The following GRID2 variants were observed in gnomAD, a reference collection of about 807,000 sequenced individuals.
The protein encoded by GRID2 is glutamate ionotropic receptor delta type subunit 2, also known as glutamate receptor ionotropic, delta-2.
Under a neutral mutation model 114.8 loss-of-function variants are expected in GRID2, and 33 were observed. The ratio of observed to expected loss-of-function variants is 0.29; its 90% confidence interval spans 0.22 to 0.38. GRID2 has a LOEUF of 0.38. GRID2 is among the 10% of genes least tolerant of loss of function. The pLI, the probability that GRID2 is intolerant of heterozygous loss-of-function variation, is 1.00. For synonymous variants in GRID2, 505 were observed against 449.9 expected, an observed-to-expected ratio of 1.12 and a Z score of -1.55; for missense variants, 1,184 against 1,257.7, an observed-to-expected ratio of 0.94 and a Z score of 0.89.
chr4:93,678,387 G>C (rs1441885232), intron 14 of GRID2, among the ~76,000 whole-genome samples: 1 of 152,152 alleles, frequency 6.6e-6, no homozygotes, highest in East Asian at 1.9e-4. Context: ...CCCCAATCTA[G>C]CAAGGCAGGC....
intron 3 of GRID2, among the ~76,000 whole-genome samples, chr4:93,088,967 C>CA (rs1030078409): frequency 1.3e-5 from 2 of 152,082 alleles, no homozygotes; most frequent in Non-Finnish European, 2.9e-5. Context: ...TAATAGAGAA[C>CA]ATTTACTATA....
At chr4:93,489,004 C>T (rs999326407) in intron 11 of GRID2, among the ~76,000 whole-genome samples, 23 of 151,850 alleles carry the variant, frequency 1.5e-4, no homozygotes, top group African/African-American at 5.3e-4. Context: ...ATAATTTAGT[C>T]CATAACACAG....
At chr4:92,394,444 C>CT (rs764399882) in intron 1 of GRID2, among the ~76,000 whole-genome samples, 2 of 151,880 alleles carry the variant, frequency 1.3e-5, no homozygotes, top group Non-Finnish European at 2.9e-5. Context: ...TTCTAGAAAA[C>CT]TTTTTTTCAC....
At chr4:92,863,986 A>G (rs1390275079) in intron 2 of GRID2, among the ~76,000 whole-genome samples, 3 of 152,180 alleles carry the variant, frequency 2.0e-5, no homozygotes, top group African/African-American at 7.2e-5. Context: ...ACTAGTAAAT[A>G]CTGTTTTATT....
chr4:92,357,972 T>C (rs1337641986), intron 1 of GRID2, among the ~76,000 whole-genome samples: 1 of 151,946 alleles, frequency 6.6e-6, no homozygotes, highest in Non-Finnish European at 1.5e-5. Flanking sequence ...GAAAATCTGA[T>C]GTGATTAGAA....
At chr4:92,720,390 A>G (rs1214335677) in intron 2 of GRID2, among the ~76,000 whole-genome samples, 1 of 152,088 alleles carries the variant, frequency 6.6e-6, no homozygotes, top group Non-Finnish European at 1.5e-5. Flanking sequence ...TAGACTATTT[A>G]AAACATTAAG....
rs1244105052 is a variant in GRID2 at position 93,216,801 on chromosome 4, C to T, written c.853C>T (p.Arg285Trp). 4 of 1,612,042 alleles carry T rather than the reference C, an allele frequency of 2.5e-6. No individual in the cohort carries two copies. Among genetic ancestry groups the T allele is most frequent in the Non-Finnish European group, 3.4e-6 (4 of 1,178,222 alleles). Residue 285 changes from arginine (R) to tryptophan (W), a missense_variant, in exon 6 of 16, where the codon CGG (arginine) becomes TGG (tryptophan). By Grantham distance (101) the Arg-to-Trp change is moderately radical (BLOSUM62 -3). This residue lies in a region of GRID2 where 455 missense variants were observed against 429.5 expected (regional missense o/e 1.06). Coordinates refer to ENST00000282020, the MANE Select transcript of GRID2 (RefSeq NM_001510.4). ...GTCAATTGGAAGGTTAACGATTATTCGGCAGACATTTCCAGTTCCCCAGAA... is the reference window on the plus strand; with the variant it reads ...GTCAATTGGAAGGTTAACGATTATTTGGCAGACATTTCCAGTTCCCCAGAA... ...RRSIGRLTII[R>W]QTFPVPQNIS...
intron 2 of GRID2, among the ~76,000 whole-genome samples, chr4:92,904,769 G>T (rs549385015): frequency 6.6e-6 from 1 of 152,024 alleles, no homozygotes; most frequent in Non-Finnish European, 1.5e-5. Flanking sequence ...TGGAACCAAA[G>T]AAAGAATACA....
chr4:92,739,222 G>A (rs1187547516), intron 2 of GRID2, among the ~76,000 whole-genome samples: 3 of 152,144 alleles, frequency 2.0e-5, no homozygotes, highest in African/African-American at 2.4e-5. Context: ...ATTACAGAGT[G>A]TAATGGGAAT....
chr4:92,617,658 G>A (rs923540449), intron 2 of GRID2, among the ~76,000 whole-genome samples: 15 of 151,152 alleles, frequency 9.9e-5, no homozygotes, highest in African/African-American at 3.2e-4. Flanking sequence ...TCTACATCCC[G>A]GCCAGCATTT....
intron 2 of GRID2, among the ~76,000 whole-genome samples, chr4:92,619,799 T>G (rs1366131178): frequency 1.3e-5 from 2 of 151,786 alleles, no homozygotes; most frequent in Non-Finnish European, 2.9e-5. Context: ...TTTAGAATCC[T>G]TAAATAGTTT....
At position 92,308,955 on chromosome 4, in the gene GRID2, A is replaced by G. The variant is rs577382736; in HGVS notation, c.88+4211A>G. Among the ~76,000 whole-genome samples, 4 of 152,160 alleles carry G rather than the reference A, an allele frequency of 2.6e-5. No individual in the cohort carries two copies. The South Asian group carries it at 8.3e-4, about 32-fold the overall frequency. On this transcript the variant is annotated intron_variant, in intron 1 of 15. Transcript: ENST00000282020. ...CTATTCTTCTCTGTATCATTAATAC[A>G]GTTATTTGAAGCACAATTCAAGTGT...
chr4:92,537,720 C>A (rs963653770), intron 1 of GRID2, among the ~76,000 whole-genome samples: 1 of 151,444 alleles, frequency 6.6e-6, no homozygotes, highest in African/African-American at 2.4e-5. Context: ...CAGTCTATTG[C>A]CCTTTTCAAA....
At chr4:93,002,235 A>T (rs1488035214) in intron 2 of GRID2, among the ~76,000 whole-genome samples, 1 of 151,766 alleles carries the variant, frequency 6.6e-6, no homozygotes, top group African/African-American at 2.4e-5. Flanking sequence ...ATGACACCTC[A>T]TAATTTAACA....
At chr4:93,161,129 A>G (rs1737652691) in intron 4 of GRID2, among the ~76,000 whole-genome samples, 1 of 151,874 alleles carries the variant, frequency 6.6e-6, no homozygotes, top group Non-Finnish European at 1.5e-5. Context: ...TCCTTATTTT[A>G]CTGGAAAAAG....
At chr4:92,918,029 A>C (rs1748960225) in intron 2 of GRID2, among the ~76,000 whole-genome samples, 1 of 152,052 alleles carries the variant, frequency 6.6e-6, no homozygotes, top group Non-Finnish European at 1.5e-5. Context: ...TATTTCATTG[A>C]GCACTGGTTT....
At chr4:93,107,408 A>C (rs894656218) in intron 3 of GRID2, among the ~76,000 whole-genome samples, 1 of 152,214 alleles carries the variant, frequency 6.6e-6, no homozygotes, top group African/African-American at 2.4e-5. Flanking sequence ...AGTGTTAGGA[A>C]ACAGAGGGGT....
rs552187883 is a variant in GRID2 at position 93,595,975 on chromosome 4, C to T, written c.2194-30294C>T. On this transcript the variant is annotated intron_variant, in intron 13 of 15. Coordinates refer to ENST00000282020, the MANE Select transcript of GRID2 (RefSeq NM_001510.4). Reference sequence around the variant, plus strand: ...ACTCCACAAGGAAAGTATTTTGACACGAATTTTATGGCTGAGAAAACTGAG... The same window carrying T: ...ACTCCACAAGGAAAGTATTTTGACATGAATTTTATGGCTGAGAAAACTGAG... Among the ~76,000 whole-genome samples, 12 of 152,184 alleles carry T rather than the reference C, an allele frequency of 7.9e-5. No individual in the cohort carries two copies. In the South Asian group the frequency reaches 8.3e-4, roughly 11 times the overall value.
chr4:93,015,133 C>T (rs1722551818), intron 2 of GRID2, among the ~76,000 whole-genome samples: 1 of 152,092 alleles, frequency 6.6e-6, no homozygotes, highest in African/African-American at 2.4e-5. Flanking sequence ...AACCATGCTT[C>T]CATACACATT....
Sources: gnomAD v4.1 joint callset for allele counts (sites outside exome capture counted in the v4.1 genomes callset) on GRCh38, gnomAD v4.1.1 for gene constraint, gnomAD v4.1.1 regional missense constraint, MANE v1.5 for transcripts, NCBI Gene and HGNC (gene_info 2026-07-23, HGNC 2026-07-21) for gene names.